Variants in DMD observed in about 807,000 individuals in gnomAD.
The protein encoded by DMD is dystrophin.
Under a neutral mutation model 330.1 loss-of-function variants are expected in DMD, and 63 were observed. That is an observed-to-expected ratio of 0.19 (90% CI 0.16 to 0.24). The LOEUF is 0.24. Among genes scored for constraint, DMD ranks in the 10% least tolerant of loss-of-function variants. The pLI is 1.00. For missense variants in DMD, 3,344 were observed against 2,684.1 expected, an observed-to-expected ratio of 1.25 and a Z score of -5.43; for synonymous variants, 1,223 against 959.8, an observed-to-expected ratio of 1.27 and a Z score of -5.07.
intron 49 of DMD, among the ~76,000 whole-genome samples, chrX:31,832,008 T>C (rs959613603): frequency 4.4e-5 from 5 of 112,819 alleles, no homozygotes; most frequent in African/African-American, 1.6e-4. Context: ...TCCCAACTTA[T>C]TCTGGTGTTA....
At chrX:32,177,018 A>G (rs2096908993) in intron 44 of DMD, among the ~76,000 whole-genome samples, 1 of 111,448 alleles carries the variant, frequency 9.0e-6, no homozygotes, top group South Asian at 3.8e-4. Flanking sequence ...ATGACATCAG[A>G]AACTGGGAAT....
Position 32,366,373 on chromosome X carries a change from G to A in DMD, c.4846-1174C>T, listed in dbSNP as rs1027444936. Among the ~76,000 whole-genome samples, 3 of 111,887 alleles carry A rather than the reference G, an allele frequency of 2.7e-5. No individual in the cohort carries two copies. In the Admixed American group the frequency reaches 2.8e-4, roughly 11 times the overall value. ...GACCCTTTTTCTCCTTTCTCAATAA[G>A]GTTAACAGATACAGAGACTGTGATT... is the stretch of plus-strand genomic sequence containing the variant. On this transcript the variant is annotated intron_variant, in intron 34 of 78. Coordinates refer to ENST00000357033, the MANE Select transcript of DMD (RefSeq NM_004006.3).
chrX:31,155,563 G>T (rs1251798862), intron 74 of DMD, among the ~76,000 whole-genome samples: 1 of 112,227 alleles, frequency 8.9e-6, no homozygotes, highest in Non-Finnish European at 1.9e-5. Flanking sequence ...GGCAAATGTA[G>T]TAAATCATAC....
chrX:32,646,677 C>A (rs2059804955), intron 9 of DMD, among the ~76,000 whole-genome samples: 1 of 111,672 alleles, frequency 9.0e-6, no homozygotes, highest in Non-Finnish European at 1.9e-5. Context: ...CCAGCACCAA[C>A]TTACTTGTGC....
At chrX:33,220,888 A>G (rs2052161553) in intron 1 of DMD, among the ~76,000 whole-genome samples, 1 of 112,188 alleles carries the variant, frequency 8.9e-6, no homozygotes, top group Non-Finnish European at 1.9e-5. Flanking sequence ...TATTTATATT[A>G]TGTTGATAAC....
chrX:31,835,318 G>A (rs1031807597), intron 49 of DMD, among the ~76,000 whole-genome samples: 1 of 111,714 alleles, frequency 9.0e-6, no homozygotes, highest in African/African-American at 3.3e-5. Context: ...AGATAGAAAC[G>A]TATGCAATTG....
chrX:31,991,413 T>C (rs2095549795), intron 44 of DMD, among the ~76,000 whole-genome samples: 1 of 110,890 alleles, frequency 9.0e-6, no homozygotes, highest in South Asian at 3.8e-4. Flanking sequence ...GAAGGAAAAG[T>C]GTAGCCTGCA....
intron 2 of DMD, among the ~76,000 whole-genome samples, chrX:32,854,586 A>AAG (rs1557088866): frequency 0.026 from 2,809 of 107,476 alleles, 124 homozygotes; most frequent in African/African-American, 0.09. Flanking sequence ...AAAAAAAAAA[A>AAG]AGAGAAACAA....
At chrX:31,285,968 A>T (rs2053176436) in intron 62 of DMD, among the ~76,000 whole-genome samples, 1 of 112,265 alleles carries the variant, frequency 8.9e-6, no homozygotes, top group Admixed American at 9.5e-5. Flanking sequence ...TAGCAGCTGG[A>T]CTTACCAAGA....
At chrX:32,564,369 A>G (rs1417682505) in intron 16 of DMD, among the ~76,000 whole-genome samples, 1 of 111,777 alleles carries the variant, frequency 8.9e-6, no homozygotes, top group East Asian at 2.8e-4. Context: ...TGGCAGCAAT[A>G]ATCTGTGGAA....
intron 51 of DMD, among the ~76,000 whole-genome samples, chrX:31,736,004 T>G (rs2738304): frequency 0.37 from 40,532 of 109,671 alleles, 5,605 homozygotes; most frequent in East Asian, 0.69. Flanking sequence ...AATTCTTAAT[T>G]TTTTTTTAAC....
chrX:32,033,603 C>CAGAAAGAAAGAAAGAAAGAA (rs753337646), intron 44 of DMD, among the ~76,000 whole-genome samples: 4 of 59,924 alleles, frequency 6.7e-5, no homozygotes, highest in Non-Finnish European at 8.9e-5. Context: ...GACAGACAGA[C>CAGAAAGAAAGAAAGAAAGAA]AGAAAGAAAG....
intron 62 of DMD, among the ~76,000 whole-genome samples, chrX:31,303,965 A>G (rs1380084660): frequency 7.1e-5 from 8 of 112,330 alleles, no homozygotes; most frequent in African/African-American, 1.6e-4. Context: ...ATTCTGATAA[A>G]TAAACATCTA....
At chrX:31,560,908 G>C (rs116729552) in intron 55 of DMD, among the ~76,000 whole-genome samples, 2,279 of 111,733 alleles carry the variant, frequency 0.02, 65 homozygotes, top group African/African-American at 0.07. Context: ...TATCAGTATG[G>C]CTTCTGTCAA....
intron 1 of DMD, among the ~76,000 whole-genome samples, chrX:33,029,956 T>C (rs1430900640): frequency 9.0e-6 from 1 of 111,401 alleles, no homozygotes; most frequent in African/African-American, 3.3e-5. Flanking sequence ...GGTTACATCA[T>C]ACACTCATTT....
rs1270115744 is a variant in DMD, at chrX:31,422,735, T to C, written c.9084+21746A>G. Among the ~76,000 whole-genome samples, 5 of 112,188 alleles carry C rather than the reference T, an allele frequency of 4.5e-5. No individual in the cohort carries two copies. The Admixed American group carries it at 4.7e-4, about 11-fold the overall frequency. On this transcript the variant is annotated intron_variant, in intron 60 of 78. Transcript: ENST00000357033. ...ACTACCACACTTTTCCTTTCACCAG[T>C]TACTTTGGAAAGTATCCTATGGAGT...
chrX:31,413,932 G>T (rs1388336521), intron 60 of DMD, among the ~76,000 whole-genome samples: 6 of 109,617 alleles, frequency 5.5e-5, no homozygotes, highest in Non-Finnish European at 1.1e-4. Context: ...GAATATTAAA[G>T]TCTAAAATAA....
chrX:32,439,116 A>G (rs2098272052), intron 28 of DMD, among the ~76,000 whole-genome samples: 3 of 111,914 alleles, frequency 2.7e-5, no homozygotes, highest in Non-Finnish European at 3.8e-5. Flanking sequence ...CCAGAAAACA[A>G]GGGATTCAAT....
chrX:32,196,792 T>C (rs1041887466), intron 44 of DMD, among the ~76,000 whole-genome samples: 2 of 109,719 alleles, frequency 1.8e-5, no homozygotes, highest in African/African-American at 3.3e-5. Flanking sequence ...GAGACCATCC[T>C]GGCTAACACG....
Sources: allele counts gnomAD v4.1 joint callset (sites outside exome capture counted in the v4.1 genomes callset), GRCh38; gene constraint gnomAD v4.1.1; transcripts MANE v1.5; gene names NCBI Gene and HGNC (gene_info 2026-07-23, HGNC 2026-07-21).